The following GPHN variants were observed in gnomAD, a reference collection of about 807,000 sequenced individuals.
GPHN encodes the protein gephyrin.
A neutral mutation model predicts 95.5 loss-of-function variants in GPHN; 17 were observed. The observed-to-expected ratio is 0.18, with a 90% CI of 0.12 to 0.27. GPHN has a LOEUF of 0.27. Ranked by LOEUF, GPHN falls within the 10% of genes least tolerant of loss-of-function variation. GPHN has a pLI of 1.00. For missense variants in GPHN, 660 were observed against 978.1 expected (o/e 0.67, Z 4.34); for synonymous variants, 320 against 322.5 (o/e 0.99, Z 0.08).
At chr14:67,053,996 G>A (rs1475517042) in intron 10 of GPHN, among the ~76,000 whole-genome samples, 5 of 152,120 alleles carry the variant, frequency 3.3e-5, no homozygotes, top group Admixed American at 6.5e-5. Context: ...CAAACCCACA[G>A]CCAATATCAT....
the GPHN span, among the ~76,000 whole-genome samples, chr14:67,515,896 T>C: frequency 6.6e-6 from 1 of 152,204 alleles, no homozygotes; most frequent in African/African-American, 2.4e-5. Context: ...ATTTCCAAGA[T>C]GGAGAAACTG....
chr14:66,509,038 C>G (rs1466852578), intron 1 of GPHN: 1 of 232,140 alleles, frequency 4.3e-6, no homozygotes, highest in Non-Finnish European at 8.5e-6. Flanking sequence ...TCCCTTCCCC[C>G]CACCTGGGCG....
chr14:67,231,636 T>G, the GPHN span, among the ~76,000 whole-genome samples: 6 of 152,150 alleles, frequency 3.9e-5, no homozygotes, highest in Non-Finnish European at 8.8e-5. Context: ...TTTATCCAAC[T>G]AAATACTTTA....
At chr14:67,345,718 G>A in the GPHN span, 4 of 1,294,858 alleles carry the variant, frequency 3.1e-6, no homozygotes, top group Non-Finnish European at 4.5e-6. Context: ...TCCTCCACTT[G>A]ACTGTTACAA....
chr14:66,704,403 A>G (rs2068867049), intron 2 of GPHN, among the ~76,000 whole-genome samples: 1 of 152,146 alleles, frequency 6.6e-6, no homozygotes, highest in Admixed American at 6.6e-5. Flanking sequence ...AAAATCAGCC[A>G]CATAATTGGA....
chr14:66,568,385 A>G (rs1013839361), intron 1 of GPHN, among the ~76,000 whole-genome samples: 4 of 152,174 alleles, frequency 2.6e-5, no homozygotes, highest in African/African-American at 9.6e-5. Flanking sequence ...TTTAGGCCAG[A>G]TTATTAGATC....
chr14:66,967,331 G>A (rs967147972), intron 9 of GPHN, among the ~76,000 whole-genome samples: 3 of 151,968 alleles, frequency 2.0e-5, no homozygotes, highest in African/African-American at 4.8e-5. Flanking sequence ...AAGGACAGAA[G>A]GAAGTGAAAT....
At chr14:66,764,341 C>T (rs1266969638) in intron 2 of GPHN, among the ~76,000 whole-genome samples, 1 of 152,052 alleles carries the variant, frequency 6.6e-6, no homozygotes, top group Non-Finnish European at 1.5e-5. Flanking sequence ...GGAAGGTGTT[C>T]TGAAACCAGT....
At chr14:67,209,445 A>G in the GPHN span, among the ~76,000 whole-genome samples, 1 of 152,238 alleles carries the variant, frequency 6.6e-6, no homozygotes, top group Admixed American at 6.5e-5. Flanking sequence ...GATTGATTGC[A>G]TAACAATTAC....
Position 67,106,081 on chromosome 14 carries a change from C to T in GPHN, c.1294-4059C>T, listed in dbSNP as rs769985189. ...ACTCCCTTGAGAATTTATGGTAAGG[C>T]CAGTGTAGTAGTAATGAATTCTCTC... On this transcript the variant is annotated intron_variant, in intron 13 of 22. Coordinates refer to ENST00000478722, the MANE Select transcript of GPHN (RefSeq NM_020806.5). Among the ~76,000 whole-genome samples, 8 of 152,096 alleles carry T rather than the reference C, an allele frequency of 5.3e-5. No individual in the cohort carries two copies. In the South Asian group the frequency reaches 8.3e-4, roughly 16 times the overall value.
the GPHN span, chr14:67,562,739 T>A: frequency 6.2e-7 from 1 of 1,613,408 alleles, no homozygotes; most frequent in Non-Finnish European, 8.5e-7. Context: ...CCGAGCTAGG[T>A]CCCGGGAGGA....
intron 1 of GPHN, among the ~76,000 whole-genome samples, chr14:66,661,774 G>A (rs2065670167): frequency 6.9e-6 from 1 of 143,954 alleles, no homozygotes; most frequent in African/African-American, 2.7e-5. Flanking sequence ...CTGAGTTCGA[G>A]GGGGAGGTGG....
At chr14:67,225,603 C>T in the GPHN span, among the ~76,000 whole-genome samples, 1 of 152,044 alleles carries the variant, frequency 6.6e-6, no homozygotes, top group Non-Finnish European at 1.5e-5. Context: ...TCAGCCAATA[C>T]AATCAAGACC....
intron 1 of GPHN, 108 bp downstream of exon 1, chr14:66,508,699 G>A: frequency 3.0e-6 from 3 of 996,178 alleles, no homozygotes; most frequent in East Asian, 4.8e-5. Context: ...AGGGAAGGCT[G>A]AAGAAGGGAA....
At chr14:67,218,647 G>A in the GPHN span, among the ~76,000 whole-genome samples, 2 of 152,132 alleles carry the variant, frequency 1.3e-5, no homozygotes, top group African/African-American at 4.8e-5. Context: ...TTGGGTGCAG[G>A]GTCATTGGGC....
chr14:66,607,665 G>A (rs1472100595), intron 1 of GPHN, among the ~76,000 whole-genome samples: 1 of 151,650 alleles, frequency 6.6e-6, no homozygotes, highest in Non-Finnish European at 1.5e-5. Flanking sequence ...TTTAATTACT[G>A]ACTCAAATTT....
intron 10 of GPHN, among the ~76,000 whole-genome samples, chr14:67,031,939 T>C (rs1754757767): frequency 6.6e-6 from 1 of 152,132 alleles, no homozygotes; most frequent in Non-Finnish European, 1.5e-5. Flanking sequence ...AGTTAATAGA[T>C]AGGAAGCCCC....
intron 8 of GPHN, among the ~76,000 whole-genome samples, chr14:66,949,993 G>GAAAAAAAAA (rs71129809): frequency 6.9e-5 from 4 of 57,810 alleles, no homozygotes; most frequent in African/African-American, 1.5e-4. Context: ...TTTAGGACAG[G>GAAAAAAAAA]AAAAAAAAAA....
the GPHN span, among the ~76,000 whole-genome samples, chr14:67,673,055 C>T: frequency 5.4e-4 from 82 of 152,338 alleles, no homozygotes; most frequent in Non-Finnish European, 8.2e-4. Flanking sequence ...TCTGTTCAAA[C>T]GCCATCTCCT....
Sources: gnomAD v4.1 joint callset for allele counts (sites outside exome capture counted in the v4.1 genomes callset) on GRCh38, gnomAD v4.1.1 for gene constraint, MANE v1.5 for transcripts, NCBI Gene and HGNC (gene_info 2026-07-23, HGNC 2026-07-21) for gene names.